LIPC: variants seen among roughly 807,000 people sequenced by gnomAD.
The protein encoded by LIPC is hepatic triacylglycerol lipase.
Under a neutral mutation model 50.7 loss-of-function variants are expected in LIPC, and 44 were observed. The observed-to-expected ratio is 0.87, with a 90% CI of 0.68 to 1.11. The LOEUF is 1.11. Among genes scored for constraint, LIPC ranks in the 50% most tolerant of loss-of-function variants. LIPC has a pLI of 0.00. For missense variants in LIPC, 697 were observed against 648.2 expected, an observed-to-expected ratio of 1.08 and a Z score of -0.82; for synonymous variants, 271 against 256.4, an observed-to-expected ratio of 1.06 and a Z score of -0.54.
intron 1 of LIPC, among the ~76,000 whole-genome samples, chr15:58,509,373 G>A (rs907401790): frequency 6.6e-6 from 1 of 152,146 alleles, no homozygotes; most frequent in Non-Finnish European, 1.5e-5. Flanking sequence ...AGCAATTGCT[G>A]TAGAATCAAG....
At chr15:58,567,370 T>A (rs1187494789) in intron 8 of LIPC, among the ~76,000 whole-genome samples, 1 of 127,506 alleles carries the variant, frequency 7.8e-6, no homozygotes, top group African/African-American at 2.9e-5. Context: ...TATATGTATA[T>A]ATATATATAG....
At chr15:58,451,530 G>T (rs1183817138) in intron 1 of LIPC, among the ~76,000 whole-genome samples, 3 of 152,084 alleles carry the variant, frequency 2.0e-5, no homozygotes, top group Admixed American at 1.3e-4. Context: ...CATACCTATG[G>T]CACATGTTCC....
At chr15:58,531,626 CAA>C (rs60425157) in intron 1 of LIPC, among the ~76,000 whole-genome samples, 4 of 82,736 alleles carry the variant, frequency 4.8e-5, no homozygotes, top group African/African-American at 1.8e-4. Context: ...AAAATGGACT[CAA>C]AAAAAAAAAA....
chr15:58,494,461 G>A (rs1391169979), intron 1 of LIPC, among the ~76,000 whole-genome samples: 3 of 152,212 alleles, frequency 2.0e-5, no homozygotes, highest in Non-Finnish European at 2.9e-5. Context: ...TACGCTGTTT[G>A]CACTTACAGA....
At chr15:58,535,009 A>G (rs982565849) in intron 1 of LIPC, among the ~76,000 whole-genome samples, 2 of 152,106 alleles carry the variant, frequency 1.3e-5, no homozygotes, top group Non-Finnish European at 2.9e-5. Flanking sequence ...TTCAACTCTC[A>G]TGTCATCCTC....
chr15:58,446,781 A>G (rs768061848), intron 1 of LIPC, among the ~76,000 whole-genome samples: 1 of 152,144 alleles, frequency 6.6e-6, no homozygotes, highest in Non-Finnish European at 1.5e-5. Flanking sequence ...GGCATGGAGC[A>G]GGCACGTGGC....
chr15:58,507,090 G>A (rs1281434482), intron 1 of LIPC, among the ~76,000 whole-genome samples: 6 of 152,106 alleles, frequency 3.9e-5, no homozygotes, highest in African/African-American at 1.2e-4. Flanking sequence ...TCTTCACCTG[G>A]TCCCTCCCAG....
At chr15:58,509,107 C>T (rs984753398) in intron 1 of LIPC, among the ~76,000 whole-genome samples, 41 of 152,184 alleles carry the variant, frequency 2.7e-4, no homozygotes, top group African/African-American at 8.9e-4. Flanking sequence ...GAACATATCA[C>T]CAGAATCCTC....
intron 1 of LIPC, among the ~76,000 whole-genome samples, chr15:58,535,602 C>A (rs986295821): frequency 9.2e-5 from 14 of 152,178 alleles, no homozygotes; most frequent in African/African-American, 3.4e-4. Context: ...CCTATGAGGA[C>A]AACTGGGGTG....
intron 1 of LIPC, among the ~76,000 whole-genome samples, chr15:58,489,421 G>A (rs115930946): frequency 0.011 from 1,667 of 152,156 alleles, 16 homozygotes; most frequent in African/African-American, 0.035. Flanking sequence ...AATGCTCAGC[G>A]GTTAGGGTTT....
At chr15:58,441,286 T>A (rs1248453287) in intron 1 of LIPC, among the ~76,000 whole-genome samples, 1 of 152,200 alleles carries the variant, frequency 6.6e-6, no homozygotes, top group African/African-American at 2.4e-5. Context: ...TTAACACCCA[T>A]GAAACTGAAG....
intron 1 of LIPC, among the ~76,000 whole-genome samples, chr15:58,441,730 A>C (rs1226233940): frequency 6.6e-6 from 1 of 152,218 alleles, no homozygotes; most frequent in African/African-American, 2.4e-5. Flanking sequence ...ATAATTTAAT[A>C]GTTATCACTA....
intron 1 of LIPC, among the ~76,000 whole-genome samples, chr15:58,485,865 GA>G (rs1455585000): frequency 6.6e-6 from 1 of 152,222 alleles, no homozygotes; most frequent in African/African-American, 2.4e-5. Context: ...TTACGGTTGA[GA>G]ACAATGAGAA....
chr15:58,532,348 A>T (rs1273780423), intron 1 of LIPC, among the ~76,000 whole-genome samples: 1 of 152,182 alleles, frequency 6.6e-6, no homozygotes, highest in African/African-American at 2.4e-5. Flanking sequence ...TGGCCTGACC[A>T]CAGAAGCCAG....
intron 1 of LIPC, among the ~76,000 whole-genome samples, chr15:58,534,924 A>C (rs1408753644): frequency 6.6e-6 from 1 of 152,138 alleles, no homozygotes; most frequent in Non-Finnish European, 1.5e-5. Context: ...TGTCATGCCC[A>C]CCCAGTGATT....
At chr15:58,555,473 A>C (rs1893908268) in intron 6 of LIPC, among the ~76,000 whole-genome samples, 1 of 152,150 alleles carries the variant, frequency 6.6e-6, no homozygotes, top group Admixed American at 6.5e-5. Flanking sequence ...CAGAACGAAA[A>C]CAGCAGGCGA....
chr15:58,474,740 A>G (rs1890933518), intron 1 of LIPC, among the ~76,000 whole-genome samples: 3 of 152,120 alleles, frequency 2.0e-5, no homozygotes, highest in African/African-American at 7.2e-5. Context: ...CTCTCTGCCC[A>G]GGGTGAGCAT....
At chr15:58,517,665 GA>G (rs1331945250) in intron 1 of LIPC, among the ~76,000 whole-genome samples, 3 of 152,176 alleles carry the variant, frequency 2.0e-5, no homozygotes, top group Non-Finnish European at 4.4e-5. Context: ...CCTGGAAATT[GA>G]ACACAGGGCA....
At chr15:58,460,120 C>G (rs886887102) in intron 1 of LIPC, among the ~76,000 whole-genome samples, 19 of 152,354 alleles carry the variant, frequency 1.2e-4, no homozygotes, top group Admixed American at 4.6e-4. Context: ...CTTTTCAGCT[C>G]CCAATGAGCA....
Sources: gnomAD v4.1 joint callset for allele counts (sites outside exome capture counted in the v4.1 genomes callset) on GRCh38, gnomAD v4.1.1 for gene constraint, MANE v1.5 for transcripts, NCBI Gene and HGNC (gene_info 2026-07-23, HGNC 2026-07-21) for gene names.